Variants in MEP1A observed in about 807,000 individuals in gnomAD.
MEP1A encodes the protein meprin A subunit alpha, also known as N-benzoyl-L-tyrosyl-P-amino-benzoic acid hydrolase subunit alpha.
In MEP1A, 68 loss-of-function variants were observed where a neutral mutation model predicts 84.5. The ratio of observed to expected loss-of-function variants is 0.80; its 90% CI spans 0.66 to 0.98. The LOEUF is 0.98. Ranked by LOEUF, MEP1A falls within the 50% of genes least tolerant of loss-of-function variation. MEP1A has a pLI of 0.00. For missense variants in MEP1A, 887 were observed against 919.9 expected, an observed-to-expected ratio of 0.96 and a Z score of 0.46; for synonymous variants, 337 against 336.8, an observed-to-expected ratio of 1.00 and a Z score of -0.01.
intron 10 of MEP1A, 103 bp downstream of exon 10, chr6:46,829,674 C>T (rs1269922610): frequency 9.7e-6 from 8 of 823,106 alleles, no homozygotes; most frequent in Non-Finnish European, 1.4e-5. Flanking sequence ...CTTCTCTCTC[C>T]TCCTCCTTTT....
At chr6:46,825,144 A>G (rs913835035) in intron 7 of MEP1A, 128 bp from the exon 8 acceptor site, 2 of 239,902 alleles carry the variant, frequency 8.3e-6, no homozygotes, top group African/African-American at 4.7e-5. Flanking sequence ...ATTTAAATAA[A>G]TCTATTTAAT....
intron 5 of MEP1A, among the ~76,000 whole-genome samples, chr6:46,800,526 T>C (rs1262173458): frequency 1.3e-5 from 2 of 152,138 alleles, no homozygotes; most frequent in Non-Finnish European, 2.9e-5. Context: ...TTGAGACAAG[T>C]GAACTGACAT....
At chr6:46,834,801 T>C in intron 12 of MEP1A, 50 bp downstream of exon 12, 2 of 1,420,216 alleles carry the variant, frequency 1.4e-6, no homozygotes, top group Non-Finnish European at 2.0e-6. Context: ...CTTGGCACTC[T>C]ACTGATTTTA....
chr6:46,809,313 C>A lies in MEP1A; in HGVS notation c.263-107C>A, dbSNP rs557030146. On this transcript the variant is annotated intron_variant, in intron 5 of 13. Transcript: ENST00000230588. ...ATTTATTACCAAAAACCCTATCATG[C>A]ACCTCTGTGGATTTAATGTGGCAGC... The A allele has an allele frequency of 2.6e-5, 18 of 688,274 alleles. No homozygotes were observed. The South Asian group carries it at 3.5e-4, about 13-fold the overall frequency. 42.6% of individuals were successfully genotyped at this position (688,274 alleles called of 1,614,324 possible).
At chr6:46,807,512 TAAAGAAAGAAAGAAAGAAAG>T (rs60287159) in intron 5 of MEP1A, among the ~76,000 whole-genome samples, 14 of 49,592 alleles carry the variant, frequency 2.8e-4, no homozygotes, top group Non-Finnish European at 4.4e-4. Flanking sequence ...CCATCTGAAA[TAAAGAAAGAAAGAAAGAAAG>T]AAAGAAAGAA....
At chr6:46,807,841 AAGAAAGG>A (rs1487463763) in intron 5 of MEP1A, among the ~76,000 whole-genome samples, 14 of 102,748 alleles carry the variant, frequency 1.4e-4, no homozygotes, top group Non-Finnish European at 2.2e-4. Context: ...GAAAGAAAGG[AAGAAAGG>A]AAATAAATCA....
intron 7 of MEP1A, among the ~76,000 whole-genome samples, chr6:46,824,535 ATCT>A (rs1394598165): frequency 4.2e-5 from 6 of 141,440 alleles, no homozygotes; most frequent in Non-Finnish European, 7.5e-5. Flanking sequence ...ATAAATTATC[ATCT>A]ATTTAATATA....
At chr6:46,809,659 T>A in intron 6 of MEP1A, 122 bp downstream of exon 6, 1 of 625,842 alleles carries the variant, frequency 1.6e-6, no homozygotes, top group East Asian at 2.8e-5. Context: ...ATAACTTAGC[T>A]CCCACATATG....
downstream of MEP1A, among the ~76,000 whole-genome samples, chr6:46,840,219 G>T (rs1326331209): frequency 6.6e-6 from 1 of 152,120 alleles, no homozygotes; most frequent in Non-Finnish European, 1.5e-5. Flanking sequence ...AGATTAACAA[G>T]AGTTTCTTTA....
chr6:46,825,866 G>A (rs571071525), intron 8 of MEP1A, among the ~76,000 whole-genome samples: 42 of 152,228 alleles, frequency 2.8e-4, no homozygotes, highest in Non-Finnish European at 5.0e-4. Flanking sequence ...GCATTATTAC[G>A]TAAAGGTCAA....
chr6:46,798,356 T>C lies in MEP1A; in HGVS notation c.146-250T>C, dbSNP rs139881316. 1.5e-4 allele frequency among the ~76,000 whole-genome samples: 23 copies of C among 152,312 alleles called. 1 individual carries two copies. The East Asian group carries it at 2.9e-3, about 19-fold the overall frequency. On this transcript the variant is annotated intron_variant, in intron 3 of 13. Transcript: ENST00000230588. ...GATCAGTAAAATCCCTTCTAACTTATGTCTTACTTCTAAGATTCTTAGACA... is the reference window on the plus strand; with the variant it reads ...GATCAGTAAAATCCCTTCTAACTTACGTCTTACTTCTAAGATTCTTAGACA...
chr6:46,803,267 T>G (rs1017087491), intron 5 of MEP1A, among the ~76,000 whole-genome samples: 2 of 151,604 alleles, frequency 1.3e-5, no homozygotes, highest in South Asian at 2.1e-4. Flanking sequence ...TTTTCTATTA[T>G]GCTGCTTTTA....
chr6:46,812,791 GA>G (rs1438913496), intron 6 of MEP1A, among the ~76,000 whole-genome samples: 3 of 151,580 alleles, frequency 2.0e-5, no homozygotes, highest in African/African-American at 7.2e-5. Flanking sequence ...GTTCTTTTTG[GA>G]GTGATTTCCA....
chr6:46,844,602 G>A (rs1243197158), downstream of MEP1A, among the ~76,000 whole-genome samples: 1 of 152,096 alleles, frequency 6.6e-6, no homozygotes, highest in Non-Finnish European at 1.5e-5. Flanking sequence ...AATAAAAGGA[G>A]AATAGAAAAA....
chr6:46,810,418 G>T (rs1293480262), intron 6 of MEP1A, among the ~76,000 whole-genome samples: 1 of 152,142 alleles, frequency 6.6e-6, no homozygotes, highest in African/African-American at 2.4e-5. Flanking sequence ...TCTGTGGGTT[G>T]TCTGTTAACT....
At chr6:46,837,297 T>C (rs1196066630) in intron 13 of MEP1A, among the ~76,000 whole-genome samples, 1 of 152,266 alleles carries the variant, frequency 6.6e-6, no homozygotes, top group Non-Finnish European at 1.5e-5. Context: ...GTTGCAATAA[T>C]TTCATGATTT....
In MEP1A at chr6:46,835,333, A is replaced by T; in HGVS notation, c.1868A>T (p.Gln623Leu). The T allele has an allele frequency of 6.2e-7, 1 of 1,609,556 alleles. No individual in the cohort carries two copies. Among genetic ancestry groups the T allele is most frequent in the Middle Eastern group, 1.7e-4 (1 of 5,864 alleles). Residue 623 changes from glutamine (Q) to leucine (L), a missense_variant, in exon 13 of 14, where the codon CAG (glutamine) becomes CTG (leucine). Transcript: ENST00000230588. The part of the protein sequence containing the change: ...PQGLILQGQE[Q>L]QVSEEGSGKA... ...GGCCTCATTCTCCAAGGCCAGGAGCAGCAGGTCTCCGAAGAAGGTTCGGGA... is the reference window on the plus strand; with the variant it reads ...GGCCTCATTCTCCAAGGCCAGGAGCTGCAGGTCTCCGAAGAAGGTTCGGGA...
At chr6:46,809,377 AG>A in intron 5 of MEP1A, 42 bp from the exon 6 acceptor site, 1 of 1,214,820 alleles carries the variant, frequency 8.2e-7, no homozygotes. Context: ...ATATTATCTA[AG>A]GTCCAAATAA....
chr6:46,831,731 T>C (rs998189069), intron 10 of MEP1A, among the ~76,000 whole-genome samples: 1 of 152,166 alleles, frequency 6.6e-6, no homozygotes, highest in African/African-American at 2.4e-5. Context: ...CCATGATCTA[T>C]AACCTGCTGG....
Sources: gnomAD v4.1 joint callset for allele counts (sites outside exome capture counted in the v4.1 genomes callset) on GRCh38, gnomAD v4.1.1 for gene constraint, MANE v1.5 for transcripts, NCBI Gene and HGNC (gene_info 2026-07-23, HGNC 2026-07-21) for gene names.